The following MYT1L variants were observed in gnomAD, a reference collection of about 807,000 sequenced individuals.
The protein encoded by MYT1L is myelin transcription factor 1 like, also known as myelin transcription factor 1-like protein.
MYT1L carries 12 observed loss-of-function variants against 126.7 expected under a neutral mutation model. The ratio of observed to expected loss-of-function variants is 0.09; its 90% confidence interval spans 0.06 to 0.15. The LOEUF (loss-of-function observed/expected upper bound fraction) is 0.15, where lower values mean the gene tolerates loss of function less well. Among genes scored for constraint, MYT1L ranks in the 10% least tolerant of loss-of-function variants. MYT1L has a pLI of 1.00. For synonymous variants in MYT1L, 541 were observed against 604.2 expected (o/e 0.90, Z 1.53); for missense variants, 979 against 1,585.2 (o/e 0.62, Z 6.49).
intron 1 of MYT1L, among the ~76,000 whole-genome samples, chr2:2,306,360 T>C (rs2095858966): frequency 6.6e-6 from 1 of 152,158 alleles, no homozygotes; most frequent in African/African-American, 2.4e-5. Context: ...GGAAATAGAA[T>C]GAGACAGAAC....
chr2:1,875,725 A>T (rs992834536), intron 18 of MYT1L, among the ~76,000 whole-genome samples: 12 of 151,848 alleles, frequency 7.9e-5, no homozygotes, highest in Non-Finnish European at 1.2e-4. Flanking sequence ...TATTGCCAGG[A>T]AAGAAATCTC....
chr2:2,079,553 C>A (rs1341182478), intron 3 of MYT1L, among the ~76,000 whole-genome samples: 1 of 152,188 alleles, frequency 6.6e-6, no homozygotes, highest in African/African-American at 2.4e-5. Flanking sequence ...CGCCTGTAAT[C>A]CCAGCACTGT....
At chr2:2,051,538 C>A (rs2068829730) in intron 4 of MYT1L, among the ~76,000 whole-genome samples, 1 of 152,164 alleles carries the variant, frequency 6.6e-6, no homozygotes, top group Non-Finnish European at 1.5e-5. Flanking sequence ...GGTGGAACAT[C>A]CCATGCCATT....
chr2:1,927,759 A>G (rs752018736), intron 9 of MYT1L, among the ~76,000 whole-genome samples: 1 of 152,224 alleles, frequency 6.6e-6, no homozygotes, highest in East Asian at 1.9e-4. Flanking sequence ...TGAGTTTCAA[A>G]TAATGAAGGA....
At chr2:2,303,445 C>T (rs1223740108) in intron 1 of MYT1L, 1 of 152,424 alleles carries the variant, frequency 6.6e-6, no homozygotes, top group Non-Finnish European at 1.5e-5. Flanking sequence ...ATTTTCCAAA[C>T]ATATACAAAG....
At chr2:2,201,968 C>G (rs1178705639) in intron 2 of MYT1L, among the ~76,000 whole-genome samples, 2 of 152,100 alleles carry the variant, frequency 1.3e-5, no homozygotes, top group African/African-American at 4.8e-5. Flanking sequence ...TTAAGAAACT[C>G]ACTCAAAACC....
At chr2:2,160,820 A>C (rs1320839940) in intron 3 of MYT1L, among the ~76,000 whole-genome samples, 1 of 152,196 alleles carries the variant, frequency 6.6e-6, no homozygotes, top group African/African-American at 2.4e-5. Context: ...CACAAGACAT[A>C]AAGCAGGGAG....
chr2:2,206,326 C>A (rs1224843935), intron 2 of MYT1L, among the ~76,000 whole-genome samples: 1 of 152,156 alleles, frequency 6.6e-6, no homozygotes, highest in Non-Finnish European at 1.5e-5. Context: ...GTACCATTCA[C>A]CTTTTTCTTT....
chr2:2,207,061 A>G (rs2093347750), intron 2 of MYT1L, among the ~76,000 whole-genome samples: 1 of 152,226 alleles, frequency 6.6e-6, no homozygotes, highest in Admixed American at 6.5e-5. Context: ...TGGTTTACAT[A>G]AGGTGTCTTT....
intron 14 of MYT1L, among the ~76,000 whole-genome samples, chr2:1,901,471 A>G (rs1374708203): frequency 1.3e-5 from 2 of 152,152 alleles, no homozygotes; most frequent in Non-Finnish European, 2.9e-5. Context: ...AACCAACAGA[A>G]CTATTTCTGT....
chr2:1,953,833 A>C (rs140923620), intron 8 of MYT1L, among the ~76,000 whole-genome samples: 4 of 152,300 alleles, frequency 2.6e-5, no homozygotes, highest in African/African-American at 9.6e-5. Context: ...TGCCACTTGC[A>C]AGACTAGAAT....
intron 2 of MYT1L, among the ~76,000 whole-genome samples, chr2:2,193,951 T>G (rs2092695827): frequency 6.7e-6 from 1 of 149,806 alleles, no homozygotes; most frequent in Admixed American, 6.6e-5. Flanking sequence ...AAATTATTTT[T>G]AATAAAAATT....
intron 1 of MYT1L, among the ~76,000 whole-genome samples, chr2:2,306,625 AG>A (rs1417108343): frequency 1.3e-5 from 2 of 152,172 alleles, no homozygotes; most frequent in Non-Finnish European, 2.9e-5. Flanking sequence ...GGTGATCACC[AG>A]TTTCAGAAGA....
intron 8 of MYT1L, among the ~76,000 whole-genome samples, chr2:1,957,198 C>G (rs2058559308): frequency 6.6e-6 from 1 of 152,186 alleles, no homozygotes. Context: ...GAGTGCATGT[C>G]TATCCATCTA....
intron 21 of MYT1L, among the ~76,000 whole-genome samples, chr2:1,830,868 C>A (rs2040066807): frequency 6.6e-6 from 1 of 152,204 alleles, no homozygotes; most frequent in Admixed American, 6.5e-5. Flanking sequence ...AATTCCACAG[C>A]CCCTTGGTGG....
intron 21 of MYT1L, among the ~76,000 whole-genome samples, chr2:1,833,800 G>T (rs756991399): frequency 6.6e-6 from 1 of 152,230 alleles, no homozygotes; most frequent in Non-Finnish European, 1.5e-5. Flanking sequence ...CATCAGTTCT[G>T]CTTTTTTCAG....
intron 5 of MYT1L, among the ~76,000 whole-genome samples, chr2:1,987,044 A>G (rs2061088611): frequency 6.6e-6 from 1 of 152,228 alleles, no homozygotes; most frequent in Non-Finnish European, 1.5e-5. Context: ...CATAAAAATA[A>G]GAAAATAGAT....
At position 1,903,093 on chromosome 2, in the gene MYT1L, T is replaced by G; in HGVS notation, c.2019A>C (p.Lys673Asn). The G allele has an allele frequency of 6.2e-7, 1 of 1,613,456 alleles. No individual in the cohort carries two copies. The highest frequency in any genetic ancestry group is 8.5e-7 in the Non-Finnish European group (1 of 1,179,372). Residue 673 changes from lysine to asparagine, a missense_variant, in exon 14 of 25, where the codon AAA becomes AAC. Lys to Asn is a moderately conservative substitution (Grantham distance 94). Coordinates refer to ENST00000647738, the MANE Select transcript of MYT1L (RefSeq NM_001303052.2). ...TGCACCTCCTACCATCATCATATCC[T>G]TTGGGGGATATATCCCTGGTTTGCA... The part of the protein sequence containing the change: ...PKVQTRDISP[K>N]GYDDAKRYCK...
chr2:2,173,192 AC>A (rs1374016789), intron 2 of MYT1L, among the ~76,000 whole-genome samples: 1 of 152,236 alleles, frequency 6.6e-6, no homozygotes, highest in East Asian at 1.9e-4. Flanking sequence ...TACTTTTTAC[AC>A]ATTTAGTTAA....
Sources: allele counts gnomAD v4.1 joint callset (sites outside exome capture counted in the v4.1 genomes callset), GRCh38; gene constraint gnomAD v4.1.1; transcripts MANE v1.5; gene names NCBI Gene and HGNC (gene_info 2026-07-23, HGNC 2026-07-21).